The following SUGCT variants were observed in gnomAD, a reference collection of about 807,000 sequenced individuals.
SUGCT encodes succinyl-CoA:glutarate CoA-transferase.
SUGCT carries 41 observed loss-of-function variants against 55.0 expected under a neutral mutation model. That is an observed-to-expected ratio of 0.74 (90% CI 0.58 to 0.97). SUGCT has a LOEUF of 0.97. Among genes scored for constraint, SUGCT ranks in the 50% least tolerant of loss-of-function variants. The pLI, the probability that SUGCT is intolerant of heterozygous loss-of-function variation, is 0.00. For missense variants in SUGCT, 568 were observed against 547.8 expected (o/e 1.04, Z -0.37); for synonymous variants, 187 against 200.4 (o/e 0.93, Z 0.56).
the SUGCT span, among the ~76,000 whole-genome samples, chr7:40,895,644 C>A: frequency 6.6e-6 from 1 of 152,056 alleles, no homozygotes; most frequent in Admixed American, 6.5e-5. Flanking sequence ...ATTTCAACAT[C>A]TTTTTATAAT....
chr7:41,019,873 G>A, the SUGCT span, among the ~76,000 whole-genome samples: 8 of 152,264 alleles, frequency 5.3e-5, no homozygotes, highest in African/African-American at 1.9e-4. Context: ...TTTCAAAACA[G>A]GATTTTAATA....
chr7:40,821,020 A>G (rs1791965204), intron 13 of SUGCT, among the ~76,000 whole-genome samples: 1 of 152,172 alleles, frequency 6.6e-6, no homozygotes, highest in Non-Finnish European at 1.5e-5. Context: ...TATTGAGATA[A>G]TCATGTGGTT....
chr7:40,480,455 G>A (rs889978546), intron 11 of SUGCT, among the ~76,000 whole-genome samples: 1 of 152,070 alleles, frequency 6.6e-6, no homozygotes, highest in African/African-American at 2.4e-5. Context: ...GAAGTGAGAT[G>A]CCGCCAGTTT....
At chr7:40,676,661 C>G (rs1784001033) in intron 12 of SUGCT, among the ~76,000 whole-genome samples, 1 of 151,950 alleles carries the variant, frequency 6.6e-6, no homozygotes. Context: ...CACCACCACA[C>G]TGGGCTAATT....
chr7:40,391,134 C>T (rs1366219247), intron 9 of SUGCT, among the ~76,000 whole-genome samples: 1 of 152,094 alleles, frequency 6.6e-6, no homozygotes, highest in Non-Finnish European at 1.5e-5. Flanking sequence ...AAAATTAATT[C>T]AAGATGGATT....
At chr7:40,454,381 T>C (rs1789357878) in intron 10 of SUGCT, among the ~76,000 whole-genome samples, 1 of 152,200 alleles carries the variant, frequency 6.6e-6, no homozygotes, top group South Asian at 2.1e-4. Flanking sequence ...AATGTGTCCT[T>C]TAAGAACAGG....
chr7:40,350,800 C>T (rs974381132), intron 9 of SUGCT, among the ~76,000 whole-genome samples: 1 of 151,894 alleles, frequency 6.6e-6, no homozygotes, highest in Non-Finnish European at 1.5e-5. Flanking sequence ...CGCAACCCCC[C>T]CGACAGGCCC....
chr7:40,175,033 G>C (rs952424945), intron 1 of SUGCT, among the ~76,000 whole-genome samples: 8 of 152,056 alleles, frequency 5.3e-5, no homozygotes, highest in African/African-American at 1.7e-4. Context: ...TATGATACTG[G>C]AGATTTTTAT....
the SUGCT span, chr7:40,968,169 G>A: frequency 7.2e-5 from 11 of 152,122 alleles, no homozygotes; most frequent in African/African-American, 2.4e-4. Flanking sequence ...AGTCTTATTT[G>A]CATATTTCTG....
At chr7:40,201,173 A>T (rs1786580790) in intron 6 of SUGCT, among the ~76,000 whole-genome samples, 1 of 152,198 alleles carries the variant, frequency 6.6e-6, no homozygotes. Context: ...AGGGAAAATA[A>T]GAAAGGAAGG....
chr7:40,947,692 G>C, the SUGCT span, among the ~76,000 whole-genome samples: 1 of 152,150 alleles, frequency 6.6e-6, no homozygotes, highest in East Asian at 1.9e-4. Flanking sequence ...ATTAAATGAA[G>C]TCTATATTCT....
the SUGCT span, among the ~76,000 whole-genome samples, chr7:40,949,660 G>C: frequency 6.6e-6 from 1 of 152,144 alleles, no homozygotes; most frequent in African/African-American, 2.4e-5. Flanking sequence ...TCCAGTTTCA[G>C]CTTTCTACAT....
At chr7:40,891,485 C>G in the SUGCT span, among the ~76,000 whole-genome samples, 1 of 151,866 alleles carries the variant, frequency 6.6e-6, no homozygotes, top group African/African-American at 2.4e-5. Context: ...ACCTTGCAAG[C>G]CAGGAGAAAG....
At chr7:40,659,308 AT>A (rs1562930667) in intron 12 of SUGCT, among the ~76,000 whole-genome samples, 1 of 152,084 alleles carries the variant, frequency 6.6e-6, no homozygotes, top group African/African-American at 2.4e-5. Flanking sequence ...TGAAGGTTTT[AT>A]TGGGGCTGGA....
intron 10 of SUGCT, among the ~76,000 whole-genome samples, chr7:40,450,438 G>A (rs1409855735): frequency 1.4e-5 from 2 of 147,676 alleles, no homozygotes; most frequent in African/African-American, 5.0e-5. Flanking sequence ...GAGACAATCA[G>A]CTTTTATACT....
the SUGCT span, among the ~76,000 whole-genome samples, chr7:40,952,963 G>A: frequency 6.6e-6 from 1 of 152,078 alleles, no homozygotes; most frequent in African/African-American, 2.4e-5. Flanking sequence ...GTATCTTTGT[G>A]GCCTTCTTTC....
At chr7:40,261,230 A>C (rs1791204224) in intron 7 of SUGCT, among the ~76,000 whole-genome samples, 1 of 152,226 alleles carries the variant, frequency 6.6e-6, no homozygotes, top group East Asian at 1.9e-4. Context: ...TCATAGAACA[A>C]TGAATAAGAG....
At chr7:40,944,462 G>C in the SUGCT span, among the ~76,000 whole-genome samples, 2 of 151,688 alleles carry the variant, frequency 1.3e-5, no homozygotes, top group African/African-American at 4.8e-5. Flanking sequence ...TTTGTATAAG[G>C]TGTAAGGAAG....
chr7:40,483,772 T>C (rs1039217829), intron 11 of SUGCT, among the ~76,000 whole-genome samples: 2 of 152,040 alleles, frequency 1.3e-5, no homozygotes, highest in Admixed American at 1.3e-4. Context: ...GATGCTTAAT[T>C]TCTCCAACTG....
Sources: gnomAD v4.1 joint callset for allele counts (sites outside exome capture counted in the v4.1 genomes callset) on GRCh38, gnomAD v4.1.1 for gene constraint, MANE v1.5 for transcripts, NCBI Gene and HGNC (gene_info 2026-07-23, HGNC 2026-07-21) for gene names.